CNTNAP5: variants seen among roughly 807,000 people sequenced by gnomAD.
CNTNAP5 encodes the protein contactin associated protein family member 5.
In CNTNAP5, 72 loss-of-function variants were observed where a neutral mutation model predicts 150.2. The ratio of observed to expected loss-of-function variants is 0.48; its 90% confidence interval spans 0.40 to 0.58. The LOEUF is 0.58. Among genes scored for constraint, CNTNAP5 ranks in the 20% least tolerant of loss-of-function variants. The pLI, the probability that CNTNAP5 is intolerant of heterozygous loss-of-function variation, is 0.00. For missense variants in CNTNAP5, 1,636 were observed against 1,626.2 expected, an observed-to-expected ratio of 1.01 and a Z score of -0.10; for synonymous variants, 672 against 619.8, an observed-to-expected ratio of 1.08 and a Z score of -1.25.
chr2:124,336,819 G>A (rs1277782670), intron 3 of CNTNAP5, among the ~76,000 whole-genome samples: 1 of 151,994 alleles, frequency 6.6e-6, no homozygotes, highest in Non-Finnish European at 1.5e-5. Context: ...ATTGTGAATA[G>A]TGCCGCAATA....
intron 1 of CNTNAP5, among the ~76,000 whole-genome samples, chr2:124,084,607 GTATGTGTGTGTATAGTATGTGTCTATA>G (rs1369484757): frequency 6.6e-6 from 1 of 151,720 alleles, no homozygotes; most frequent in Non-Finnish European, 1.5e-5. Context: ...ATACATACAT[GTATGTGTGTGTATAGTATGTGTCTATA>G]TATGTGTGTG....
At chr2:124,118,887 A>G (rs1360368868) in intron 1 of CNTNAP5, among the ~76,000 whole-genome samples, 1 of 152,142 alleles carries the variant, frequency 6.6e-6, no homozygotes, top group Non-Finnish European at 1.5e-5. Context: ...AGATCTAGTA[A>G]ATGGGACCCA....
intron 8 of CNTNAP5, among the ~76,000 whole-genome samples, chr2:124,517,371 A>G (rs1480107449): frequency 1.3e-3 from 115 of 86,892 alleles, no homozygotes; most frequent in East Asian, 2.9e-3. Flanking sequence ...ATGGAGGGTT[A>G]TGGTGTTGGT....
chr2:124,744,661 G>C (rs1053716528), intron 13 of CNTNAP5, among the ~76,000 whole-genome samples: 2 of 152,088 alleles, frequency 1.3e-5, no homozygotes, highest in Non-Finnish European at 2.9e-5. Flanking sequence ...TAAAATATTT[G>C]TAATCATGCT....
intron 12 of CNTNAP5, among the ~76,000 whole-genome samples, chr2:124,628,399 G>C (rs1677776028): frequency 6.6e-6 from 1 of 152,114 alleles, no homozygotes; most frequent in Non-Finnish European, 1.5e-5. Flanking sequence ...GAAGAGCTTG[G>C]GGGCCAATAT....
chr2:124,166,417 AT>A, intron 1 of CNTNAP5, among the ~76,000 whole-genome samples: 1 of 152,328 alleles, frequency 6.6e-6, no homozygotes, highest in South Asian at 2.1e-4. Context: ...AGATTTAAGT[AT>A]AGGGATTCCA....
chr2:124,538,864 G>C (rs748932671), intron 10 of CNTNAP5, among the ~76,000 whole-genome samples: 9 of 152,160 alleles, frequency 5.9e-5, no homozygotes, highest in Non-Finnish European at 1.2e-4. Flanking sequence ...TCCTTTACAT[G>C]ATCGATATCT....
chr2:124,902,838 A>T, intron 21 of CNTNAP5, 44 bp from the exon 22 acceptor site: 1 of 1,464,626 alleles, frequency 6.8e-7, no homozygotes, highest in Non-Finnish European at 9.3e-7. Flanking sequence ...AATTTGGAAA[A>T]AACAAAAAAA....
In CNTNAP5 at chr2:124,139,500, C is replaced by T. The variant is rs532597804; in HGVS notation, c.83-82205C>T. Among the ~76,000 whole-genome samples the T allele has an allele frequency of 1.0e-3, 159 of 152,186 alleles. 1 individual carries two copies. Among genetic ancestry groups the T allele is most frequent in the African/African-American group, 3.5e-3 (146 of 41,546 alleles). On this transcript the variant is annotated intron_variant, in intron 1 of 23. Coordinates refer to ENST00000682447, the MANE Select transcript of CNTNAP5 (RefSeq NM_001367498.1). Reference sequence around the variant, plus strand: ...TTGGTGTAGACTTCTCCCAGTTCCCCTTCACCTGGTAGTTTACTTCAGAGG... The same window carrying T: ...TTGGTGTAGACTTCTCCCAGTTCCCTTTCACCTGGTAGTTTACTTCAGAGG...
intron 11 of CNTNAP5, among the ~76,000 whole-genome samples, chr2:124,593,198 A>G (rs1696740901): frequency 6.8e-6 from 1 of 146,536 alleles, no homozygotes; most frequent in Admixed American, 6.9e-5. Flanking sequence ...GGTTAGTTAC[A>G]TATGTATACA....
chr2:124,221,319 T>G (rs1356612295), intron 1 of CNTNAP5, among the ~76,000 whole-genome samples: 1 of 152,152 alleles, frequency 6.6e-6, no homozygotes, highest in African/African-American at 2.4e-5. Context: ...CTTTTAATCA[T>G]CTCGCTTCTT....
chr2:124,273,025 G>A (rs1687798970), intron 3 of CNTNAP5, among the ~76,000 whole-genome samples: 1 of 152,138 alleles, frequency 6.6e-6, no homozygotes, highest in African/African-American at 2.4e-5. Flanking sequence ...CACGGTGACG[G>A]ACTTGATTCT....
intron 13 of CNTNAP5, among the ~76,000 whole-genome samples, chr2:124,707,039 A>AGGAGG (rs1679681507): frequency 3.7e-5 from 3 of 81,932 alleles, no homozygotes; most frequent in Non-Finnish European, 7.6e-5. Context: ...GAAGAAGAAG[A>AGGAGG]AGGAGGAGGA....
At chr2:124,892,989 C>T (rs1156593019) in intron 21 of CNTNAP5, among the ~76,000 whole-genome samples, 1 of 152,090 alleles carries the variant, frequency 6.6e-6, no homozygotes, top group Non-Finnish European at 1.5e-5. Flanking sequence ...GGGTGTTTGA[C>T]TCTCTGGGAT....
intron 1 of CNTNAP5, among the ~76,000 whole-genome samples, chr2:124,220,684 C>G (rs945131167): frequency 5.3e-5 from 8 of 152,086 alleles, no homozygotes; most frequent in Non-Finnish European, 8.8e-5. Flanking sequence ...GGTGAGAGCT[C>G]TCTTGTTGCA....
At position 124,066,435 on chromosome 2, in the gene CNTNAP5, A is replaced by C. The variant is rs574816306; in HGVS notation, c.82+40703A>C. ...TCCCCTCTGAAACTGTTTTTAAATT[A>C]GTAATATCCCATTAGATCAATGGCA... On this transcript the variant is annotated intron_variant, in intron 1 of 23. Coordinates refer to ENST00000682447, the MANE Select transcript of CNTNAP5 (RefSeq NM_001367498.1). Among the ~76,000 whole-genome samples, 141 of 152,300 alleles carry C rather than the reference A, an allele frequency of 9.3e-4. 1 individual carries two copies. The highest frequency in any genetic ancestry group is 5.6e-3 in the Admixed American group (86 of 15,286).
chr2:124,781,202 A>C (rs1402842827), intron 17 of CNTNAP5, among the ~76,000 whole-genome samples: 1 of 152,156 alleles, frequency 6.6e-6, no homozygotes, highest in Non-Finnish European at 1.5e-5. Flanking sequence ...CAATGGGGTC[A>C]TGGAGATAAA....
At chr2:124,585,701 C>T (rs1263858732) in intron 11 of CNTNAP5, among the ~76,000 whole-genome samples, 1 of 104,106 alleles carries the variant, frequency 9.6e-6, no homozygotes, top group African/African-American at 3.9e-5. Context: ...TTTGAGTTAG[C>T]ATGTGGAAGA....
intron 17 of CNTNAP5, 101 bp from the exon 18 acceptor site, chr2:124,789,801 A>G (rs1681682893): frequency 9.4e-7 from 1 of 1,062,540 alleles, no homozygotes; most frequent in Admixed American, 2.9e-5. Context: ...GACCTTCATG[A>G]CAACAGAGAA....
Sources: gnomAD v4.1 joint callset for allele counts (sites outside exome capture counted in the v4.1 genomes callset) on GRCh38, gnomAD v4.1.1 for gene constraint, MANE v1.5 for transcripts, NCBI Gene and HGNC (gene_info 2026-07-23, HGNC 2026-07-21) for gene names.